The following SPAG16 variants were observed in gnomAD, a reference collection of about 807,000 sequenced individuals.
SPAG16 encodes sperm-associated antigen 16 protein.
In SPAG16, 86 loss-of-function variants were observed where a neutral mutation model predicts 80.4. That is an observed-to-expected ratio of 1.07 (90% CI 0.90 to 1.28). The LOEUF is 1.28. Ranked by LOEUF, SPAG16 falls within the 50% of genes most tolerant of loss-of-function variation. The probability of loss-of-function intolerance (pLI) is 0.00; values close to 1 mark genes in which losing one functional copy is unlikely to be tolerated. For missense variants in SPAG16, 870 were observed against 765.3 expected, an observed-to-expected ratio of 1.14 and a Z score of -1.61; for synonymous variants, 294 against 265.9, an observed-to-expected ratio of 1.11 and a Z score of -1.03.
At chr2:213,422,173 G>A in intron 9 of SPAG16, 1 of 700,492 alleles carries the variant, frequency 1.4e-6, no homozygotes, top group South Asian at 1.5e-5. Context: ...GGCCCTTCAG[G>A]GAGCCCAGAC....
chr2:213,727,908 G>A (rs997808810), intron 10 of SPAG16, among the ~76,000 whole-genome samples: 1 of 152,024 alleles, frequency 6.6e-6, no homozygotes, highest in Non-Finnish European at 1.5e-5. Context: ...GAGTGCAATG[G>A]CGTGATCTCA....
At chr2:213,762,173 A>G (rs568247886) in intron 10 of SPAG16, among the ~76,000 whole-genome samples, 1 of 152,328 alleles carries the variant, frequency 6.6e-6, no homozygotes, top group East Asian at 1.9e-4. Flanking sequence ...CTGTAAAGCC[A>G]AAAGGTAGAC....
At chr2:214,272,140 A>G (rs754441123) in intron 15 of SPAG16, among the ~76,000 whole-genome samples, 13 of 152,140 alleles carry the variant, frequency 8.5e-5, no homozygotes, top group African/African-American at 2.9e-4. Context: ...AGCTTTTACA[A>G]TTATAATTTA....
chr2:213,400,986 T>C (rs895256746), intron 9 of SPAG16, among the ~76,000 whole-genome samples: 4 of 152,146 alleles, frequency 2.6e-5, no homozygotes, highest in African/African-American at 9.7e-5. Flanking sequence ...TTTTATATTT[T>C]TTTGTCAAGA....
chr2:214,300,894 T>C lies in SPAG16; in HGVS notation c.1721-109246T>C, dbSNP rs141537307. On this transcript the variant is annotated intron_variant, in intron 15 of 15. Coordinates refer to ENST00000331683, the MANE Select transcript of SPAG16 (RefSeq NM_024532.5). ...TAAAAATAGAGGACTAAGGATTCCT[T>C]CCTAACTCATTTAAAAAAAATTATT... 2.0e-3 allele frequency among the ~76,000 whole-genome samples: 311 copies of C among 151,730 alleles called. 1 individual carries two copies. The highest frequency in any genetic ancestry group is 7.1e-3 in the African/African-American group (293 of 41,456).
chr2:213,924,663 C>T (rs2078383241), intron 11 of SPAG16, among the ~76,000 whole-genome samples: 1 of 152,036 alleles, frequency 6.6e-6, no homozygotes. Context: ...CTTTGCTTTG[C>T]TTTGCTTTGT....
Position 214,293,088 on chromosome 2 carries a change from A to C in SPAG16, c.1721-117052A>C, listed in dbSNP as rs532092877. 3.9e-5 allele frequency among the ~76,000 whole-genome samples: 6 copies of C among 152,290 alleles called. No homozygotes were observed. The South Asian group carries it at 1.2e-3, about 32-fold the overall frequency. On this transcript the variant is annotated intron_variant, in intron 15 of 15. Coordinates refer to ENST00000331683, the MANE Select transcript of SPAG16 (RefSeq NM_024532.5). ...CTTACCTTGAGCCGTAGAGCAATGT[A>C]TGCTGGCTCTGGTGTTAGCACATTC... is the stretch of plus-strand genomic sequence containing the variant.
chr2:214,020,750 G>A (rs2047822191), intron 13 of SPAG16, among the ~76,000 whole-genome samples: 1 of 152,070 alleles, frequency 6.6e-6, no homozygotes, highest in Admixed American at 6.6e-5. Flanking sequence ...AATTTTGTTA[G>A]GGTTTCCTCT....
intron 1 of SPAG16, chr2:213,285,748 C>A (rs965876580): frequency 1.2e-4 from 53 of 455,938 alleles, no homozygotes; most frequent in African/African-American, 1.1e-3. Flanking sequence ...AAATTTGAAT[C>A]GCTTGAAATG....
At chr2:213,911,447 T>A (rs1389838591) in intron 11 of SPAG16, among the ~76,000 whole-genome samples, 1 of 152,170 alleles carries the variant, frequency 6.6e-6, no homozygotes, top group Non-Finnish European at 1.5e-5. Flanking sequence ...GCCCTGCCAA[T>A]AGTTACAAGC....
At chr2:213,688,935 CAT>C (rs2125287686) in intron 10 of SPAG16, among the ~76,000 whole-genome samples, 1 of 152,162 alleles carries the variant, frequency 6.6e-6, no homozygotes, top group East Asian at 1.9e-4. Flanking sequence ...ATTTTTTGAA[CAT>C]ATGAAATTTG....
chr2:214,173,617 T>C (rs1267396900), intron 15 of SPAG16, among the ~76,000 whole-genome samples: 2 of 151,918 alleles, frequency 1.3e-5, no homozygotes, highest in East Asian at 3.9e-4. Context: ...CAGGACCAGA[T>C]GGATTCACAG....
At chr2:214,224,920 T>C (rs113426793) in intron 15 of SPAG16, among the ~76,000 whole-genome samples, 4 of 152,106 alleles carry the variant, frequency 2.6e-5, no homozygotes, top group African/African-American at 9.6e-5. Context: ...AGTCAAATAA[T>C]AGGGAAATTA....
intron 15 of SPAG16, among the ~76,000 whole-genome samples, chr2:214,378,078 G>A (rs1700238124): frequency 6.6e-6 from 1 of 152,106 alleles, no homozygotes; most frequent in Non-Finnish European, 1.5e-5. Context: ...CGTAAACCAA[G>A]GAATGCAGGC....
At chr2:213,346,244 C>T (rs891514784) in intron 6 of SPAG16, among the ~76,000 whole-genome samples, 3 of 152,066 alleles carry the variant, frequency 2.0e-5, no homozygotes, top group Non-Finnish European at 4.4e-5. Context: ...ATCCTGAGAC[C>T]TTGCTGAAGT....
At chr2:214,123,529 A>G (rs1052082455) in intron 14 of SPAG16, among the ~76,000 whole-genome samples, 2 of 152,066 alleles carry the variant, frequency 1.3e-5, no homozygotes, top group Non-Finnish European at 2.9e-5. Context: ...TCCTGGCACT[A>G]ATCTAAATAG....
At chr2:213,676,544 T>G (rs1389016762) in intron 10 of SPAG16, among the ~76,000 whole-genome samples, 1 of 152,118 alleles carries the variant, frequency 6.6e-6, no homozygotes, top group African/African-American at 2.4e-5. Context: ...CTTATTATTT[T>G]GAGATATGTC....
At chr2:214,279,274 T>G (rs1442364122) in intron 15 of SPAG16, among the ~76,000 whole-genome samples, 1 of 152,172 alleles carries the variant, frequency 6.6e-6, no homozygotes, top group East Asian at 1.9e-4. Flanking sequence ...TTTTTGTATT[T>G]TTAGTAAAGA....
At chr2:214,115,468 G>T (rs567551831) in intron 14 of SPAG16, among the ~76,000 whole-genome samples, 1 of 152,246 alleles carries the variant, frequency 6.6e-6, no homozygotes, top group African/African-American at 2.4e-5. Flanking sequence ...ATAGTTTGGG[G>T]AAAATTCTAC....
Sources: allele counts gnomAD v4.1 joint callset (sites outside exome capture counted in the v4.1 genomes callset), GRCh38; gene constraint gnomAD v4.1.1; transcripts MANE v1.5; gene names NCBI Gene and HGNC (gene_info 2026-07-23, HGNC 2026-07-21).